NCLN: variants seen among roughly 807,000 people sequenced by gnomAD.
The protein encoded by NCLN is BOS complex subunit NCLN.
A neutral mutation model predicts 69.5 loss-of-function variants in NCLN; 34 were observed. The observed-to-expected ratio is 0.49, with a 90% confidence interval of 0.37 to 0.65. The LOEUF is 0.65. NCLN is among the 30% of genes least tolerant of loss of function. The probability of loss-of-function intolerance (pLI) is 0.00; values close to 1 mark genes in which losing one functional copy is unlikely to be tolerated. For missense variants in NCLN, 710 were observed against 804.8 expected (o/e 0.88, Z 1.42); for synonymous variants, 393 against 358.3 (o/e 1.10, Z -1.09).
chr19:3,201,649 G>A (rs1186043764), intron 6 of NCLN, 23 bp downstream of exon 6: 10 of 1,490,694 alleles, frequency 6.7e-6, no homozygotes, highest in Admixed American at 2.0e-5. Flanking sequence ...GTGGGCAGGG[G>A]GATGGGGGTG....
At chr19:3,189,658 T>A (rs1292981838) in intron 1 of NCLN, among the ~76,000 whole-genome samples, 1 of 152,188 alleles carries the variant, frequency 6.6e-6, no homozygotes, top group Non-Finnish European at 1.5e-5. Flanking sequence ...CAGACGCGGG[T>A]CTGAGGGAGT....
At chr19:3,196,362 G>GT in intron 4 of NCLN, 85 bp downstream of exon 4, 1 of 997,366 alleles carries the variant, frequency 1.0e-6, no homozygotes, top group Non-Finnish European at 1.5e-6. Flanking sequence ...CCGTACTAGA[G>GT]GGGAGCCGCT....
At chr19:3,194,879 A>G (rs899362377) in intron 3 of NCLN, among the ~76,000 whole-genome samples, 2 of 151,858 alleles carry the variant, frequency 1.3e-5, no homozygotes, top group Non-Finnish European at 2.9e-5. Context: ...CAGCTGGTAA[A>G]AATGATGTTG....
In NCLN at chr19:3,205,524, G is replaced by A. The variant is rs560924762; in HGVS notation, c.1209-415G>A. Among the ~76,000 whole-genome samples, 1 of 152,228 alleles carries A rather than the reference G, an allele frequency of 6.6e-6. No individual in the cohort carries two copies. The highest frequency in any genetic ancestry group is 1.5e-5 in the Non-Finnish European group (1 of 68,032). ...CAGGAAAGATTGCCAGGAAATGAGG[G>A]TGGGTGCACGGCTGTCCCAGCTGTG... On this transcript the variant is annotated intron_variant, in intron 9 of 14. Transcript: ENST00000246117. The surrounding 1 kb of genome is among the most constrained non-coding windows in gnomAD (Gnocchi z 4.6).
chr19:3,203,735 A>G, intron 6 of NCLN, 21 bp from the exon 7 acceptor site: 1 of 1,601,690 alleles, frequency 6.2e-7, no homozygotes. Context: ...GTCAAAGCTA[A>G]CACTGGGTCT....
At position 3,192,603 on chromosome 19, in the gene NCLN, C is replaced by G. The variant is rs901084082; in HGVS notation, c.318C>G (p.Gly106=). The G allele has an allele frequency of 1.2e-6, 2 of 1,603,606 alleles. No individual in the cohort carries two copies. Among genetic ancestry groups the G allele is most frequent in the South Asian group, 1.1e-5 (1 of 90,294 alleles). Residue 106 remains glycine, a synonymous_variant, in exon 2 of 15, where the codon GGC becomes GGG. Transcript: ENST00000246117. ...AGAAGGCCCTGCGGCAGTCGGCGGGCGCCGTGGTCATCATCCTGCCCAGGG... is the reference window on the plus strand; with the variant it reads ...AGAAGGCCCTGCGGCAGTCGGCGGGGGCCGTGGTCATCATCCTGCCCAGGG... ...QYQKALRQSA[G]AVVIILPRAM...
intron 1 of NCLN, among the ~76,000 whole-genome samples, chr19:3,188,417 C>T (rs1299955095): frequency 2.0e-5 from 3 of 152,164 alleles, no homozygotes; most frequent in African/African-American, 7.2e-5. Flanking sequence ...AGACGGACGC[C>T]CTCTCCAGCC....
chr19:3,193,278 C>T lies in NCLN; in HGVS notation c.376-6C>T, dbSNP rs1456931085. 1.9e-6 allele frequency: 3 copies of T among 1,609,614 alleles called. No homozygotes were observed. Among genetic ancestry groups the T allele is most frequent in the Non-Finnish European group, 1.7e-6 (2 of 1,178,510 alleles). ...GCAGCCCCCTAAGTGTGTGTCTGCTCCACAGCAATTCATGGAGATCGAGCC... is the reference window on the plus strand; with the variant it reads ...GCAGCCCCCTAAGTGTGTGTCTGCTTCACAGCAATTCATGGAGATCGAGCC... On this transcript the variant is annotated splice_polypyrimidine_tract_variant and splice_region_variant and intron_variant, in intron 2 of 14. Coordinates refer to ENST00000246117, the MANE Select transcript of NCLN (RefSeq NM_020170.4).
intron 5 of NCLN, among the ~76,000 whole-genome samples, chr19:3,199,330 T>G (rs1415311073): frequency 1.3e-5 from 2 of 152,244 alleles, no homozygotes; most frequent in African/African-American, 4.8e-5. Flanking sequence ...TCCCTGTGTG[T>G]CACGTGGAAC....
intron 4 of NCLN, among the ~76,000 whole-genome samples, chr19:3,198,295 A>G (rs1403348055): frequency 2.0e-5 from 3 of 152,056 alleles, no homozygotes; most frequent in African/African-American, 7.2e-5. Context: ...TCATGAGATC[A>G]GGAGATCAAG....
chr19:3,186,201 G>T lies in NCLN; in HGVS notation c.171G>T (p.Gln57His). 6.4e-7 allele frequency: 1 copy of T among 1,561,312 alleles called. No individual in the cohort carries two copies. Reference protein sequence around the residue: ...TVYRMQQYDLQGQPYGTRNAV... With the variant: ...TVYRMQQYDLHGQPYGTRNAV... ...ACCGCATGCAGCAGTACGACCTGCA[G>T]GGCCAGCCCTACGGTGCGTGTCCCC... The change falls in exon 1 of 15, where the codon CAG becomes CAT. Residue 57 changes from glutamine (Q) to histidine (H), a missense_variant. By Grantham distance (24) the Gln-to-His change is conservative. Coordinates refer to ENST00000246117, the MANE Select transcript of NCLN (RefSeq NM_020170.4).
intron 1 of NCLN, among the ~76,000 whole-genome samples, chr19:3,190,667 C>T (rs867405915): frequency 3.3e-5 from 5 of 152,152 alleles, no homozygotes; most frequent in Admixed American, 6.5e-5. Context: ...ACGCTGGAGT[C>T]GGTCCTGGGC....
Position 3,204,751 on chromosome 19 carries a change from G to T in NCLN, c.1208G>T (p.Arg403Leu). The T allele has an allele frequency of 6.6e-7, 1 of 1,515,640 alleles. No homozygotes were observed. The highest frequency in any genetic ancestry group is 1.4e-5 in the African/African-American group (1 of 72,280). 93.9% of individuals were successfully genotyped at this position (1,515,640 alleles called of 1,614,324 possible). A position where few individuals can be genotyped will look rare whatever the true frequency, so the allele number is the denominator to read the frequency against. ...DGQRSSIMDVRSRVDSKTLTR... is the reference protein window; with the variant it reads ...DGQRSSIMDVLSRVDSKTLTR... ...CAGCGCAGCAGCATCATGGACGTGC[G>T]GTGAGCGCGGCAGCACCTGCCCGGC... Residue 403 changes from arginine (R) to leucine (L), a missense_variant and splice_region_variant, in exon 9 of 15, where the codon CGG (arginine) becomes CTG (leucine). Coordinates refer to ENST00000246117, the MANE Select transcript of NCLN (RefSeq NM_020170.4).
chr19:3,209,020 C>A lies in NCLN; in HGVS notation c.*1332C>A, dbSNP rs985060702. Reference sequence around the variant, plus strand: ...TGGTGGGGAAGGGACTTGAGCTGGGCAAGTCCTGGCCTGGCACCCGCAGCC... The same window carrying A: ...TGGTGGGGAAGGGACTTGAGCTGGGAAAGTCCTGGCCTGGCACCCGCAGCC... On this transcript the variant is annotated 3_prime_UTR_variant, in exon 15 of 15. Transcript: ENST00000246117. The A allele has an allele frequency of 6.6e-6, 1 of 152,280 alleles. No homozygotes were observed. Among genetic ancestry groups the A allele is most frequent in the Admixed American group, 6.5e-5 (1 of 15,288 alleles). The allele number at this position is 152,280 out of a possible 1,614,324, so 9.4% of individuals were successfully genotyped here.
chr19:3,190,531 C>T (rs530228087), intron 1 of NCLN, among the ~76,000 whole-genome samples: 3 of 152,356 alleles, frequency 2.0e-5, no homozygotes, highest in East Asian at 1.9e-4. Flanking sequence ...GACTCATGCA[C>T]GCCCCTGGCC....
chr19:3,203,825 A>C lies in NCLN; in HGVS notation c.870A>C (p.Glu290Asp). The C allele has an allele frequency of 4.3e-6, 7 of 1,613,112 alleles. No homozygotes were observed. The highest frequency in any genetic ancestry group is 5.9e-6 in the Non-Finnish European group (7 of 1,179,832). Reference sequence around the variant, plus strand: ...ACCAGGGAACCAAGCGCTGGCTGGAAGACAACCTGGACCACACAGGTGAGC... The same window carrying C: ...ACCAGGGAACCAAGCGCTGGCTGGACGACAACCTGGACCACACAGGTGAGC... ...FNYQGTKRWLEDNLDHTDSSL... is the reference protein window; with the variant it reads ...FNYQGTKRWLDDNLDHTDSSL... The change falls in exon 7 of 15, where the codon GAA becomes GAC. Residue 290 changes from glutamate to aspartate, a missense_variant. Coordinates refer to ENST00000246117, the MANE Select transcript of NCLN (RefSeq NM_020170.4).
In NCLN at chr19:3,207,779, C is replaced by G. The variant is rs987750822; in HGVS notation, c.*91C>G. 1.7e-6 allele frequency: 2 copies of G among 1,157,856 alleles called. No homozygotes were observed. Among genetic ancestry groups the G allele is most frequent in the Non-Finnish European group, 2.6e-6 (2 of 779,802 alleles). The allele number at this position is 1,157,856 out of a possible 1,614,324, so 71.7% of individuals were successfully genotyped here. The stretch of plus-strand genomic sequence containing the variant: ...GGACACTGCCCCGCCGCGGGCGGCC[C>G]TGCAGGGACAGGGGCCCTCTCCCTC... On this transcript the variant is annotated 3_prime_UTR_variant, in exon 15 of 15. Transcript: ENST00000246117.
intron 1 of NCLN, among the ~76,000 whole-genome samples, chr19:3,191,233 G>A (rs1915816301): frequency 6.6e-6 from 1 of 152,136 alleles, no homozygotes; most frequent in African/African-American, 2.4e-5. Flanking sequence ...GGTGGAGGAC[G>A]TTTTGCTGAG....
intron 3 of NCLN, among the ~76,000 whole-genome samples, chr19:3,194,354 G>T (rs1303766827): frequency 6.6e-6 from 1 of 152,162 alleles, no homozygotes; most frequent in African/African-American, 2.4e-5. Context: ...TTGCACTCCA[G>T]CCTGGGCAAC....
Sources: allele counts gnomAD v4.1 joint callset (sites outside exome capture counted in the v4.1 genomes callset), GRCh38; gene constraint gnomAD v4.1.1; non-coding constraint Gnocchi (gnomAD v3.1); transcripts MANE v1.5; gene names NCBI Gene and HGNC (gene_info 2026-07-23, HGNC 2026-07-21).